Variants in TMEM131 observed in about 807,000 individuals in gnomAD.
The protein encoded by TMEM131 is transmembrane protein 131, also known as 2610524E03Rik.
Under a neutral mutation model 211.6 loss-of-function variants are expected in TMEM131, and 66 were observed. That is an observed-to-expected ratio of 0.31 (90% CI 0.26 to 0.38). The LOEUF is 0.38. Among genes scored for constraint, TMEM131 ranks in the 10% least tolerant of loss-of-function variants. The pLI is 1.00. For synonymous variants in TMEM131, 844 were observed against 841.3 expected (o/e 1.00, Z -0.06); for missense variants, 2,036 against 2,299.3 (o/e 0.89, Z 2.34).
At chr2:97,917,494 T>C (rs1236156308) in intron 2 of TMEM131, among the ~76,000 whole-genome samples, 1 of 152,186 alleles carries the variant, frequency 6.6e-6, no homozygotes, top group African/African-American at 2.4e-5. Flanking sequence ...ATGCTAACCA[T>C]CTGCATTAGT....
chr2:97,965,550 T>C (rs539030913), intron 1 of TMEM131, among the ~76,000 whole-genome samples: 7 of 152,248 alleles, frequency 4.6e-5, no homozygotes, highest in Admixed American at 6.5e-5. Flanking sequence ...TGGCACATAA[T>C]AGCTACCACT....
intron 12 of TMEM131, among the ~76,000 whole-genome samples, chr2:97,817,340 C>G (rs1681878014): frequency 6.6e-6 from 1 of 152,172 alleles, no homozygotes; most frequent in Non-Finnish European, 1.5e-5. Flanking sequence ...GTAATCCCAG[C>G]ACTTTGCCAG....
chr2:97,847,312 A>G (rs1333616443), intron 5 of TMEM131, among the ~76,000 whole-genome samples: 1 of 152,206 alleles, frequency 6.6e-6, no homozygotes, highest in Non-Finnish European at 1.5e-5. Context: ...AAATATCTAT[A>G]AAAATCCTCC....
chr2:97,809,698 G>A lies in TMEM131; in HGVS notation c.2045C>T (p.Pro682Leu). ...TCFPKHVVLP[P>L]SFPGKIVHQS... Reference sequence around the variant, plus strand: ...TATTAATGGTCTTACTGGAAAGGAAGGTGGAAGAACCACGTGCTTAGGGAA... The same window carrying A: ...TATTAATGGTCTTACTGGAAAGGAAAGTGGAAGAACCACGTGCTTAGGGAA... The change falls in exon 19 of 41, where the codon CCT (proline) becomes CTT (leucine). Residue 682 changes from proline (P) to leucine (L), a missense_variant. Transcript: ENST00000186436. 6.2e-7 allele frequency: 1 copy of A among 1,610,368 alleles called. No homozygotes were observed. Among genetic ancestry groups the A allele is most frequent in the Non-Finnish European group, 8.5e-7 (1 of 1,178,272 alleles).
At chr2:97,853,845 G>C (rs936923500) in intron 5 of TMEM131, among the ~76,000 whole-genome samples, 1 of 152,110 alleles carries the variant, frequency 6.6e-6, no homozygotes, top group Admixed American at 6.5e-5. Flanking sequence ...AACGGAAGAG[G>C]AGTTGTTTCT....
intron 11 of TMEM131, chr2:97,827,607 G>A (rs1306336854): frequency 2.1e-6 from 2 of 933,944 alleles, no homozygotes; most frequent in South Asian, 1.3e-5. Flanking sequence ...ACAATCCAGA[G>A]GAATATTTTT....
chr2:97,784,399 AATC>A (rs1247779356), intron 31 of TMEM131, among the ~76,000 whole-genome samples: 1 of 152,144 alleles, frequency 6.6e-6, no homozygotes, highest in Non-Finnish European at 1.5e-5. Context: ...AAAGAAGTGA[AATC>A]ATTCTCCCAA....
At chr2:97,986,108 C>T (rs1680015909) in intron 1 of TMEM131, among the ~76,000 whole-genome samples, 1 of 152,076 alleles carries the variant, frequency 6.6e-6, no homozygotes, top group South Asian at 2.1e-4. Flanking sequence ...AAAGACTGAT[C>T]AAACACAAAT....
At chr2:97,983,758 T>C (rs1167599231) in intron 1 of TMEM131, among the ~76,000 whole-genome samples, 1 of 152,192 alleles carries the variant, frequency 6.6e-6, no homozygotes, top group Non-Finnish European at 1.5e-5. Context: ...TTTGTCTTTT[T>C]TCATTTCTAT....
At chr2:97,826,702 AAG>A (rs1286609751) in intron 11 of TMEM131, among the ~76,000 whole-genome samples, 1 of 152,148 alleles carries the variant, frequency 6.6e-6, no homozygotes, top group African/African-American at 2.4e-5. Context: ...GTCAAAGAGA[AAG>A]AAAAAGAAAT....
In TMEM131 at chr2:97,757,261, G is replaced by A. The variant is rs1034872856; in HGVS notation, c.5490C>T (p.Gly1830=). The change falls in exon 41 of 41, where the codon GGC becomes GGT. Residue 1830 remains glycine, a synonymous_variant. Coordinates refer to ENST00000186436, the MANE Select transcript of TMEM131 (RefSeq NM_015348.2). ...CAGGGGAGTTTTCTGTGCCCATGAG[G>A]CCGATGCTTGCCAGCGTGTTTGCTG... ...TTPANTLASI[G]LMGTENSPAP... The A allele has an allele frequency of 3.1e-6, 5 of 1,613,962 alleles. No homozygotes were observed. The highest frequency in any genetic ancestry group is 4.2e-6 in the Non-Finnish European group (5 of 1,179,886).
chr2:97,807,793 G>A (rs980437604), intron 19 of TMEM131, among the ~76,000 whole-genome samples: 1 of 151,802 alleles, frequency 6.6e-6, no homozygotes, highest in African/African-American at 2.4e-5. Flanking sequence ...GATTGAGAAG[G>A]TAATGGAAGG....
chr2:97,954,341 G>C (rs1678462419), intron 1 of TMEM131, among the ~76,000 whole-genome samples: 2 of 152,194 alleles, frequency 1.3e-5, no homozygotes. Flanking sequence ...TCATACTATA[G>C]CCATTAGAAG....
At chr2:97,902,545 TA>T (rs1675899371) in intron 3 of TMEM131, among the ~76,000 whole-genome samples, 1 of 152,202 alleles carries the variant, frequency 6.6e-6, no homozygotes, top group African/African-American at 2.4e-5. Flanking sequence ...ATACTGTACA[TA>T]TTTATACACA....
chr2:97,792,621 C>A lies in TMEM131; in HGVS notation c.3909G>T (p.Gln1303His). Residue 1303 changes from glutamine (Q) to histidine (H), a missense_variant, in exon 31 of 41, where the codon CAG becomes CAT. This residue lies in a region of TMEM131 where 1,623 missense variants were observed against 1,805.9 expected (regional missense o/e 0.90). Transcript: ENST00000186436. ...GAGGCACTGGCGGTGGCAGAGGAGG[C>A]TGAGGGTGCTGCTCCAGCGGGCTGT... is the stretch of plus-strand genomic sequence containing the variant. ...HAHSPLEQHP[Q>H]PPLPPPVPQP... The A allele has an allele frequency of 6.2e-7, 1 of 1,613,130 alleles. No homozygotes were observed. The highest frequency in any genetic ancestry group is 8.5e-7 in the Non-Finnish European group (1 of 1,179,518).
At chr2:97,852,187 G>C (rs1030786838) in intron 5 of TMEM131, among the ~76,000 whole-genome samples, 40 of 149,592 alleles carry the variant, frequency 2.7e-4, no homozygotes, top group Non-Finnish European at 1.6e-4. Flanking sequence ...TTTTGAGATG[G>C]AGTTTCGCTT....
At position 97,995,458 on chromosome 2, in the gene TMEM131, C is replaced by G; in HGVS notation, c.187+18G>C. 1 of 1,375,656 alleles carries G rather than the reference C, an allele frequency of 7.3e-7. No homozygotes were observed. Among genetic ancestry groups the G allele is most frequent in the Non-Finnish European group, 9.4e-7 (1 of 1,060,646 alleles). 85.2% of individuals were successfully genotyped at this position (1,375,656 alleles called of 1,614,324 possible). On this transcript the variant is annotated intron_variant, in intron 1 of 40. Coordinates refer to ENST00000186436, the MANE Select transcript of TMEM131 (RefSeq NM_015348.2). ...GGGTGACAGCCCCGCCGCAGGGACG[C>G]CGCCGGGGGACACCCACCTTCCTTC...
chr2:97,913,303 T>C (rs568930345), intron 2 of TMEM131, among the ~76,000 whole-genome samples: 4 of 152,216 alleles, frequency 2.6e-5, no homozygotes, highest in African/African-American at 9.6e-5. Flanking sequence ...TATAGAGATA[T>C]CAATAATTTA....
rs552893587 is a variant in TMEM131, at chr2:97,991,611, C to CA, written c.187+3864dup. On this transcript the variant is annotated intron_variant, in intron 1 of 40. Coordinates refer to ENST00000186436, the MANE Select transcript of TMEM131 (RefSeq NM_015348.2). ...CAACCAACAGGCAATTGGAGAGCAG[C>CA]AACTGTCAGCTAGGGCACAACCAGA... is the stretch of plus-strand genomic sequence containing the variant. Among the ~76,000 whole-genome samples the CA allele has an allele frequency of 7.6e-4, 116 of 152,260 alleles. No homozygotes were observed. In the East Asian group the frequency reaches 0.014, roughly 19 times the overall value.
Sources: allele counts gnomAD v4.1 joint callset (sites outside exome capture counted in the v4.1 genomes callset), GRCh38; gene constraint gnomAD v4.1.1; regional missense constraint gnomAD v4.1.1; transcripts MANE v1.5; gene names NCBI Gene and HGNC (gene_info 2026-07-23, HGNC 2026-07-21).